Variants in DOK7 observed in about 807,000 individuals in gnomAD.
The protein encoded by DOK7 is protein Dok-7.
A neutral mutation model predicts 30.7 loss-of-function variants in DOK7; 32 were observed. The observed-to-expected ratio is 1.04, with a 90% CI of 0.79 to 1.40. The LOEUF (loss-of-function observed/expected upper bound fraction) is 1.40, where lower values mean the gene tolerates loss of function less well. Among genes scored for constraint, DOK7 ranks in the 40% most tolerant of loss-of-function variants. The pLI is 0.00. For synonymous variants in DOK7, 447 were observed against 324.1 expected (o/e 1.38, Z -4.07); for missense variants, 1,007 against 699.2 (o/e 1.44, Z -4.97).
rs776624533 is a variant in DOK7 at position 3,493,333 on chromosome 4, G to C, written c.1347G>C (p.Thr449=). ...GGTGTCCCTCTGGCTGGCTGGGCAC[G>C]AGACGGCGGGGCCTGGTGATGGAGG... ...SAGCPSGWLG[T]RRRGLVMEAP... is the part of the protein sequence containing the mutation. The change falls in exon 7 of 7, where the codon ACG becomes ACC. Residue 449 remains threonine (T), a synonymous_variant. Coordinates refer to ENST00000340083, the MANE Select transcript of DOK7 (RefSeq NM_173660.5). The C allele has an allele frequency of 6.2e-6, 10 of 1,600,896 alleles. No individual in the cohort carries two copies. The highest frequency in any genetic ancestry group is 3.4e-5 in the Admixed American group (2 of 58,578).
chr4:3,491,905 C>T (rs1728489531), intron 6 of DOK7, among the ~76,000 whole-genome samples: 1 of 152,216 alleles, frequency 6.6e-6, no homozygotes, highest in African/African-American at 2.4e-5. Flanking sequence ...CGGCCAAGTG[C>T]AGGAGCCGTG....
At chr4:3,478,215 T>C (rs1447193030) in intron 4 of DOK7, among the ~76,000 whole-genome samples, 1 of 152,198 alleles carries the variant, frequency 6.6e-6, no homozygotes, top group Non-Finnish European at 1.5e-5. Context: ...ACCCGTTTCC[T>C]TGGAGACCTG....
At chr4:3,487,755 T>C (rs532774029) in intron 5 of DOK7, among the ~76,000 whole-genome samples, 39 of 152,284 alleles carry the variant, frequency 2.6e-4, no homozygotes, top group African/African-American at 8.7e-4. Flanking sequence ...GGTGGGAGGT[T>C]GTGTCCTGCA....
At chr4:3,496,483 G>C (rs1728920862), downstream of DOK7, among the ~76,000 whole-genome samples, 1 of 152,250 alleles carries the variant, frequency 6.6e-6, no homozygotes. Context: ...CTCCGATAAA[G>C]CTCTAATAGC....
At chr4:3,482,941 C>T (rs928775801) in intron 4 of DOK7, among the ~76,000 whole-genome samples, 11 of 152,040 alleles carry the variant, frequency 7.2e-5, no homozygotes, top group Non-Finnish European at 1.3e-4. Context: ...TCCGTGAGAG[C>T]ACCACAGAGG....
chr4:3,470,683 T>G (rs1176777353), intron 2 of DOK7, among the ~76,000 whole-genome samples: 1 of 152,218 alleles, frequency 6.6e-6, no homozygotes, highest in Non-Finnish European at 1.5e-5. Flanking sequence ...AACCTGTTTT[T>G]GTAAATAAAG....
At chr4:3,497,574 GT>G (rs753545368), downstream of DOK7, among the ~76,000 whole-genome samples, 1 of 152,132 alleles carries the variant, frequency 6.6e-6, no homozygotes, top group Non-Finnish European at 1.5e-5. Context: ...GGCCAGTTCT[GT>G]GCCTGTTTCC....
At chr4:3,472,466 C>T (rs576807687) in intron 2 of DOK7, among the ~76,000 whole-genome samples, 3 of 152,326 alleles carry the variant, frequency 2.0e-5, no homozygotes, top group Admixed American at 1.3e-4. Flanking sequence ...GCCCAGCTGC[C>T]GGGGCCTAGG....
At chr4:3,498,634 C>T (rs938348829), downstream of DOK7, among the ~76,000 whole-genome samples, 1 of 152,184 alleles carries the variant, frequency 6.6e-6, no homozygotes, top group African/African-American at 2.4e-5. Context: ...CCCACCACCC[C>T]CTCTTGGCCT....
At chr4:3,478,913 C>T (rs928799119) in intron 4 of DOK7, among the ~76,000 whole-genome samples, 11 of 152,128 alleles carry the variant, frequency 7.2e-5, no homozygotes, top group African/African-American at 2.4e-4. Context: ...GCTGGAGGGA[C>T]GGGGAGTCTG....
intron 5 of DOK7, 132 bp from the exon 6 acceptor site, chr4:3,489,545 A>C: frequency 7.1e-7 from 1 of 1,418,302 alleles, no homozygotes; most frequent in Non-Finnish European, 9.6e-7. Context: ...AGGCATCGGG[A>C]GGAGCGGGGA....
exon 8 of DOK7, chr4:3,501,167 T>G: frequency 2.8e-6 from 1 of 356,178 alleles, no homozygotes; most frequent in Non-Finnish European, 5.1e-6. Flanking sequence ...GCATGGTTTG[T>G]GGTGCCTGGG....
intron 2 of DOK7, 58 bp from the exon 3 acceptor site, chr4:3,473,348 G>T (rs377068733): frequency 5.7e-5 from 89 of 1,571,856 alleles, no homozygotes; most frequent in Non-Finnish European, 7.1e-5. Flanking sequence ...CCCCGGGGAC[G>T]CCAAGGGTGC....
At chr4:3,491,886 G>C (rs755330720) in intron 6 of DOK7, among the ~76,000 whole-genome samples, 74 of 152,344 alleles carry the variant, frequency 4.9e-4, no homozygotes, top group Non-Finnish European at 9.0e-4. Context: ...TGGGTGACCT[G>C]TGTTCCCACG....
rs147844706 is a variant in DOK7 at position 3,493,529 on chromosome 4, A to C, written c.*28A>C. On this transcript the variant is annotated 3_prime_UTR_variant, in exon 7 of 7. Transcript: ENST00000340083. ...GCCGCAGATCCCGCCCCGCGGCTGC[A>C]AAGGGGCTGAATTTGCCCCCAGATG... 723 of 1,605,486 alleles carry C rather than the reference A, an allele frequency of 4.5e-4. 6 individuals are homozygous for C. In the African/African-American group the frequency reaches 6.8e-3, roughly 15 times the overall value.
chr4:3,500,197 A>C (rs2858036), intron 6 of DOK7: 1 of 1,520,912 alleles, frequency 6.6e-7, no homozygotes, highest in Non-Finnish European at 8.8e-7. Context: ...ACAATCTTTG[A>C]GATCTGTGCC....
At chr4:3,495,245 C>T (rs544460762), downstream of DOK7, among the ~76,000 whole-genome samples, 12 of 152,340 alleles carry the variant, frequency 7.9e-5, no homozygotes, top group South Asian at 2.1e-4. Context: ...CTGTCACCTC[C>T]GGAGGTGGCC....
In DOK7 at chr4:3,493,246, C is replaced by G. The variant is rs1440032503; in HGVS notation, c.1260C>G (p.Pro420=). The G allele has an allele frequency of 6.2e-7, 1 of 1,612,016 alleles. No individual in the cohort carries two copies. The highest frequency in any genetic ancestry group is 1.1e-5 in the South Asian group (1 of 91,016). ...GCCTGGCTCCTAGAGACCACAGCCC[C>G]CCCTCACAGGGCAGCCCCGGCAACA... ...SLCLAPRDHS[P]PSQGSPGNSA... is the part of the protein sequence containing the mutation. Residue 420 remains proline (P), a synonymous_variant, in exon 7 of 7, where the codon CCC becomes CCG. Transcript: ENST00000340083.
In DOK7 at chr4:3,468,519, A is replaced by T. The variant is rs367743291; in HGVS notation, c.101-4887A>T. Among the ~76,000 whole-genome samples the T allele has an allele frequency of 2.9e-3, 274 of 94,130 alleles. 1 individual carries two copies. Among genetic ancestry groups the T allele is most frequent in the African/African-American group, 0.014 (261 of 18,822 alleles). 61.8% of individuals were successfully genotyped at this position (94,130 alleles called of 152,430 possible). ...GTGCATGTGCGTGTGTGCGTGTATG[A>T]GTGTGTGTGACTGTGAGTGTATGTG... On this transcript the variant is annotated intron_variant, in intron 2 of 6. Transcript: ENST00000340083.
Sources: gnomAD v4.1 joint callset for allele counts (sites outside exome capture counted in the v4.1 genomes callset) on GRCh38, gnomAD v4.1.1 for gene constraint, MANE v1.5 for transcripts, NCBI Gene and HGNC (gene_info 2026-07-23, HGNC 2026-07-21) for gene names.